Variants in RABGAP1 observed in about 807,000 individuals in gnomAD.
The protein encoded by RABGAP1 is RAB GTPase activating protein 1, also known as rab GTPase-activating protein 1.
RABGAP1 carries 23 observed loss-of-function variants against 137.6 expected under a neutral mutation model. The observed-to-expected ratio is 0.17, with a 90% CI of 0.12 to 0.24. The LOEUF is 0.24. RABGAP1 is among the 10% of genes least tolerant of loss of function. The pLI is 1.00. For missense variants in RABGAP1, 906 were observed against 1,275.8 expected (o/e 0.71, Z 4.42); for synonymous variants, 451 against 450.7 (o/e 1.00, Z -0.01).
At chr9:122,943,939 T>G (rs1386268804) in intron 1 of RABGAP1, among the ~76,000 whole-genome samples, 1 of 151,226 alleles carries the variant, frequency 6.6e-6, no homozygotes, top group Non-Finnish European at 1.5e-5. Flanking sequence ...GGCGACAGAG[T>G]GAGACTCCGT....
chr9:122,932,334 T>A, the RABGAP1 span, among the ~76,000 whole-genome samples: 3 of 152,144 alleles, frequency 2.0e-5, no homozygotes, highest in Admixed American at 6.5e-5. Flanking sequence ...TGATCCACCC[T>A]CCTCAGCCTC....
chr9:123,057,847 T>C (rs1352528098), intron 13 of RABGAP1, among the ~76,000 whole-genome samples: 2 of 152,160 alleles, frequency 1.3e-5, no homozygotes, highest in African/African-American at 4.8e-5. Flanking sequence ...GGCCAGGAGC[T>C]GGAGACCAGC....
chr9:123,077,132 G>A (rs540488530), intron 19 of RABGAP1: 1 of 150,320 alleles, frequency 6.7e-6, no homozygotes, highest in African/African-American at 2.5e-5. Flanking sequence ...CAGGTTTCAT[G>A]ATTTCTTCTA....
intron 19 of RABGAP1, 138 bp downstream of exon 19, chr9:123,076,900 A>G (rs2034527585): frequency 1.9e-5 from 9 of 472,918 alleles, no homozygotes; most frequent in Middle Eastern, 8.7e-4. Context: ...TTTATAATAT[A>G]TAAATAATAT....
chr9:123,057,457 C>T (rs1208305884), intron 13 of RABGAP1, among the ~76,000 whole-genome samples: 3 of 150,626 alleles, frequency 2.0e-5, no homozygotes, highest in South Asian at 2.1e-4. Flanking sequence ...AGACGATGGG[C>T]GGCCGGGCAG....
At chr9:122,983,843 A>G (rs565766796) in intron 2 of RABGAP1, among the ~76,000 whole-genome samples, 54 of 152,356 alleles carry the variant, frequency 3.5e-4, no homozygotes, top group African/African-American at 1.1e-3. Flanking sequence ...TTGAGGAACT[A>G]GTAATAACCC....
At chr9:123,085,614 G>A (rs144431376) in intron 19 of RABGAP1, among the ~76,000 whole-genome samples, 167 of 152,322 alleles carry the variant, frequency 1.1e-3, no homozygotes, top group African/African-American at 3.6e-3. Context: ...AGTGAACAGC[G>A]GGTATGATTC....
At chr9:123,031,512 G>T (rs1009287653) in intron 13 of RABGAP1, among the ~76,000 whole-genome samples, 12 of 151,918 alleles carry the variant, frequency 7.9e-5, no homozygotes, top group African/African-American at 2.7e-4. Flanking sequence ...AGACAGAAAA[G>T]AAAAAATTAG....
intron 11 of RABGAP1, among the ~76,000 whole-genome samples, chr9:123,011,457 A>C (rs1368307027): frequency 6.6e-6 from 1 of 152,028 alleles, no homozygotes; most frequent in Non-Finnish European, 1.5e-5. Flanking sequence ...ACTTTCTTCA[A>C]GTTTAGAGTG....
chr9:122,975,231 G>C (rs1471089072), intron 2 of RABGAP1, among the ~76,000 whole-genome samples: 1 of 152,162 alleles, frequency 6.6e-6, no homozygotes, highest in Non-Finnish European at 1.5e-5. Context: ...ATGTTTTCTT[G>C]AGGGCCTAAA....
At chr9:123,058,577 G>A (rs1216090700) in intron 13 of RABGAP1, among the ~76,000 whole-genome samples, 3 of 151,912 alleles carry the variant, frequency 2.0e-5, no homozygotes, top group Non-Finnish European at 2.9e-5. Context: ...ATGCAGTAAG[G>A]TATATCATTG....
At position 123,101,781 on chromosome 9, in the gene RABGAP1, C is replaced by T. The variant is rs2035352962; in HGVS notation, c.3087+18C>T. 1 of 1,560,470 alleles carries T rather than the reference C, an allele frequency of 6.4e-7. No individual in the cohort carries two copies. Among genetic ancestry groups the T allele is most frequent in the Non-Finnish European group, 8.7e-7 (1 of 1,154,540 alleles). ...AGATACAGGTAACAGCAGCAGAGCT[C>T]AGACATGTGCCTGCGGGCTGGGTTT... On this transcript the variant is annotated intron_variant, in intron 25 of 25. Transcript: ENST00000373647.
chr9:122,960,807 G>T (rs1834813210), intron 2 of RABGAP1, among the ~76,000 whole-genome samples: 1 of 152,066 alleles, frequency 6.6e-6, no homozygotes, highest in African/African-American at 2.4e-5. Flanking sequence ...ATGAAACAGA[G>T]AATATTAATA....
Position 122,996,621 on chromosome 9 carries a change from T to C in RABGAP1, c.1101+16T>C. On this transcript the variant is annotated intron_variant, in intron 8 of 25. Coordinates refer to ENST00000373647, the MANE Select transcript of RABGAP1 (RefSeq NM_012197.4). Reference sequence around the variant, plus strand: ...ATTAGATTTGGTAAGAATTTATTTTTATTAGAAAGTTACATACTATTTCCT... The same window carrying C: ...ATTAGATTTGGTAAGAATTTATTTTCATTAGAAAGTTACATACTATTTCCT... The C allele has an allele frequency of 6.4e-7, 1 of 1,566,940 alleles. No individual in the cohort carries two copies. The highest frequency in any genetic ancestry group is 8.7e-7 in the Non-Finnish European group (1 of 1,144,302).
intron 13 of RABGAP1, among the ~76,000 whole-genome samples, chr9:123,048,219 G>A (rs776662323): frequency 1.4e-4 from 21 of 152,192 alleles, no homozygotes; most frequent in African/African-American, 4.3e-4. Flanking sequence ...GATTACAGGC[G>A]TGAGCCATCA....
At chr9:123,044,654 T>C in intron 13 of RABGAP1, among the ~76,000 whole-genome samples, 1 of 150,594 alleles carries the variant, frequency 6.6e-6, no homozygotes, top group South Asian at 2.1e-4. Flanking sequence ...TGTGTGTGTG[T>C]ATGTGTATGT....
At chr9:123,016,558 G>C in intron 12 of RABGAP1, among the ~76,000 whole-genome samples, 1 of 58,932 alleles carries the variant, frequency 1.7e-5, no homozygotes, top group South Asian at 9.6e-4. Flanking sequence ...ATTGCCTTTA[G>C]GTATTTAACA....
intron 15 of RABGAP1, among the ~76,000 whole-genome samples, chr9:123,072,273 A>C (rs910097414): frequency 1.3e-5 from 2 of 152,188 alleles, no homozygotes; most frequent in African/African-American, 4.8e-5. Flanking sequence ...TAAAACAAAA[A>C]CCACTTTGGT....
chr9:122,966,721 C>T (rs533646278), intron 2 of RABGAP1, among the ~76,000 whole-genome samples: 4 of 152,034 alleles, frequency 2.6e-5, no homozygotes, highest in Non-Finnish European at 4.4e-5. Context: ...TGTATTACTT[C>T]GTTTTCACAC....
Sources: allele counts gnomAD v4.1 joint callset (sites outside exome capture counted in the v4.1 genomes callset), GRCh38; gene constraint gnomAD v4.1.1; transcripts MANE v1.5; gene names NCBI Gene and HGNC (gene_info 2026-07-23, HGNC 2026-07-21).